The following TMEM196 variants were observed in gnomAD, a reference collection of about 807,000 sequenced individuals.
TMEM196 encodes the protein transmembrane protein 196.
A neutral mutation model predicts 20.0 loss-of-function variants in TMEM196; 17 were observed. That is an observed-to-expected ratio of 0.85 (90% CI 0.58 to 1.27). The LOEUF (loss-of-function observed/expected upper bound fraction) is 1.27. Ranked by LOEUF, TMEM196 falls within the 50% of genes most tolerant of loss-of-function variation. TMEM196 has a pLI of 0.00. For synonymous variants in TMEM196, 113 were observed against 88.9 expected, an observed-to-expected ratio of 1.27 and a Z score of -1.52; for missense variants, 267 against 223.0, an observed-to-expected ratio of 1.20 and a Z score of -1.26.
chr7:19,772,700 T>G lies in TMEM196; in HGVS notation c.-4A>C. 1 of 1,501,012 alleles carries G rather than the reference T, an allele frequency of 6.7e-7. No individual in the cohort carries two copies. Among genetic ancestry groups the G allele is most frequent in the African/African-American group, 1.4e-5 (1 of 71,284 alleles). The allele number at this position is 1,501,012 out of a possible 1,614,324, so 93.0% of individuals were successfully genotyped here. A position where few individuals can be genotyped will look rare whatever the true frequency, so the allele number is the denominator to read the frequency against. ...TAATCTGACCGCTGGTGCACATCCT[T>G]CCTCGGTCATCTTCCTTCCAGATCA... On this transcript the variant is annotated 5_prime_UTR_variant, in exon 1 of 5. Transcript: ENST00000405844.
chr7:19,758,385 C>T (rs1156894343), intron 1 of TMEM196, among the ~76,000 whole-genome samples: 1 of 152,160 alleles, frequency 6.6e-6, no homozygotes, highest in Non-Finnish European at 1.5e-5. Flanking sequence ...TATGGCTTAG[C>T]ACTGCTAATA....
At position 19,761,462 on chromosome 7, in the gene TMEM196, C is replaced by G. The variant is rs377045100; in HGVS notation, c.147+11088G>C. On this transcript the variant is annotated intron_variant, in intron 1 of 4. Transcript: ENST00000405844. ...TCTTTTATCAAAAGAGACATAACCT[C>G]TCACACATGTAATCAACTTCATAGA... 1.5e-3 allele frequency among the ~76,000 whole-genome samples: 222 copies of G among 152,186 alleles called. 3 individuals are homozygous for G. The Middle Eastern group carries it at 0.017, about 12-fold the overall frequency.
chr7:19,726,393 T>TA (rs1214302686), intron 2 of TMEM196, among the ~76,000 whole-genome samples: 1 of 152,066 alleles, frequency 6.6e-6, no homozygotes, highest in Admixed American at 6.5e-5. Flanking sequence ...TCTCTTTTTT[T>TA]AAAAAAAAGT....
chr7:19,768,312 T>A (rs958468319), intron 1 of TMEM196, among the ~76,000 whole-genome samples: 1 of 152,118 alleles, frequency 6.6e-6, no homozygotes. Flanking sequence ...AATAGATGGA[T>A]GGAATTTTAG....
Position 19,719,857 on chromosome 7 carries a change from C to A in TMEM196, c.*2271G>T, listed in dbSNP as rs1783757751. On this transcript the variant is annotated 3_prime_UTR_variant, in exon 5 of 5. Coordinates refer to ENST00000405844, the MANE Select transcript of TMEM196 (RefSeq NM_001363562.2). ...TTGAATAATTGTGATGATGGCATCT[C>A]TTTTTAACTATACATCAAAGCAGTG... 6.6e-6 allele frequency: 1 copy of A among 152,064 alleles called. No homozygotes were observed. Among genetic ancestry groups the A allele is most frequent in the South Asian group, 2.1e-4 (1 of 4,828 alleles). The allele number at this position is 152,064 out of a possible 1,614,324, so 9.4% of individuals were successfully genotyped here.
chr7:19,759,524 C>G (rs916480581), intron 1 of TMEM196, among the ~76,000 whole-genome samples: 5 of 152,064 alleles, frequency 3.3e-5, no homozygotes, highest in African/African-American at 1.2e-4. Context: ...GAACTCTAGA[C>G]CTATTTATCT....
chr7:19,753,254 T>G (rs1248524922), intron 1 of TMEM196, among the ~76,000 whole-genome samples: 1 of 152,156 alleles, frequency 6.6e-6, no homozygotes, highest in African/African-American at 2.4e-5. Context: ...TCTCTGTTAC[T>G]ACCCCTTAAG....
rs552080935 is a variant in TMEM196 at position 19,753,015 on chromosome 7, A to G, written c.147+19535T>C. 7.9e-5 allele frequency among the ~76,000 whole-genome samples: 12 copies of G among 152,254 alleles called. No homozygotes were observed. In the South Asian group the frequency reaches 2.5e-3, roughly 32 times the overall value. ...CAATTTGACAACTGGTCTACTGTGG[A>G]TCTTCTACAGCCAAAGTGCACTTAA... On this transcript the variant is annotated intron_variant, in intron 1 of 4. Coordinates refer to ENST00000405844, the MANE Select transcript of TMEM196 (RefSeq NM_001363562.2).
intron 2 of TMEM196, among the ~76,000 whole-genome samples, chr7:19,729,134 G>A (rs896789574): frequency 6.6e-6 from 1 of 152,124 alleles, no homozygotes; most frequent in Non-Finnish European, 1.5e-5. Context: ...GTCATTAAAG[G>A]TTGCATATTC....
chr7:19,723,093 C>G (rs1312946042), intron 4 of TMEM196, among the ~76,000 whole-genome samples: 2 of 151,972 alleles, frequency 1.3e-5, no homozygotes, highest in Non-Finnish European at 2.9e-5. Context: ...CTATCTAGCT[C>G]TGTTTGGAGA....
At chr7:19,761,391 T>C (rs1198622548) in intron 1 of TMEM196, among the ~76,000 whole-genome samples, 1 of 152,214 alleles carries the variant, frequency 6.6e-6, no homozygotes, top group Non-Finnish European at 1.5e-5. Context: ...TTTCTTCCAC[T>C]ATAGAAAATT....
intron 3 of TMEM196, among the ~76,000 whole-genome samples, chr7:19,725,187 T>G (rs1456655516): frequency 6.6e-6 from 1 of 152,196 alleles, no homozygotes; most frequent in Non-Finnish European, 1.5e-5. Context: ...AAAACTGGCA[T>G]TATTGAGTGG....
chr7:19,736,475 C>T (rs1011318366), intron 1 of TMEM196, among the ~76,000 whole-genome samples: 1 of 148,946 alleles, frequency 6.7e-6, no homozygotes, highest in Non-Finnish European at 1.5e-5. Flanking sequence ...TCAAATTTGG[C>T]TGCATATTAG....
intron 1 of TMEM196, among the ~76,000 whole-genome samples, chr7:19,743,062 C>G (rs1784631519): frequency 6.6e-6 from 1 of 152,086 alleles, no homozygotes. Context: ...ATCCTGTTGA[C>G]CTTTTATGCC....
intron 1 of TMEM196, among the ~76,000 whole-genome samples, chr7:19,747,293 T>G (rs1051031175): frequency 2.7e-5 from 4 of 150,556 alleles, no homozygotes; most frequent in African/African-American, 9.8e-5. Context: ...AAATAAAAAA[T>G]AAAAATAAAA....
At chr7:19,729,258 T>TG in intron 2 of TMEM196, 124 bp downstream of exon 2, 2 of 506,838 alleles carry the variant, frequency 3.9e-6, no homozygotes, top group Non-Finnish European at 5.9e-6. Flanking sequence ...ATTTGTCAGT[T>TG]TTTTTTTTTT....
At chr7:19,755,003 C>T (rs548039513) in intron 1 of TMEM196, among the ~76,000 whole-genome samples, 68 of 152,236 alleles carry the variant, frequency 4.5e-4, no homozygotes, top group African/African-American at 1.4e-3. Flanking sequence ...GGTAATATCA[C>T]GTAACTATGG....
intron 1 of TMEM196, among the ~76,000 whole-genome samples, chr7:19,759,882 C>G (rs944751035): frequency 1.3e-5 from 2 of 152,104 alleles, no homozygotes; most frequent in African/African-American, 4.8e-5. Context: ...ACCATTGTAT[C>G]ATACATCTTA....
rs372179583 is a variant in TMEM196, at chr7:19,725,529, A to T, written c.444T>A (p.His148Gln). 1 of 1,608,978 alleles carries T rather than the reference A, an allele frequency of 6.2e-7. No individual in the cohort carries two copies. Among genetic ancestry groups the T allele is most frequent in the Non-Finnish European group, 8.5e-7 (1 of 1,175,606 alleles). ...CAAAACTCACTTTCTCAGCCATTTCATGAGAGTGATGCAGGGAATGCTCCC... is the reference window on the plus strand; with the variant it reads ...CAAAACTCACTTTCTCAGCCATTTCTTGAGAGTGATGCAGGGAATGCTCCC... ...SEREHSLHHS[H>Q]EMAEKRLRAI... The change falls in exon 3 of 5, where the codon CAT becomes CAA. Residue 148 changes from histidine (H) to glutamine (Q), a missense_variant. By Grantham distance (24) the His-to-Gln change is conservative. Coordinates refer to ENST00000405844, the MANE Select transcript of TMEM196 (RefSeq NM_001363562.2).
Sources: gnomAD v4.1 joint callset for allele counts (sites outside exome capture counted in the v4.1 genomes callset) on GRCh38, gnomAD v4.1.1 for gene constraint, MANE v1.5 for transcripts, NCBI Gene and HGNC (gene_info 2026-07-23, HGNC 2026-07-21) for gene names.